DHX29: variants seen among roughly 807,000 people sequenced by gnomAD.
The protein encoded by DHX29 is ATP-dependent RNA helicase DHX29.
In DHX29, 79 loss-of-function variants were observed where a neutral mutation model predicts 167.9. The ratio of observed to expected loss-of-function variants is 0.47; its 90% CI spans 0.39 to 0.57. The LOEUF is 0.57. Ranked by LOEUF, DHX29 falls within the 20% of genes least tolerant of loss-of-function variation. DHX29 has a pLI of 0.00. For missense variants in DHX29, 1,347 were observed against 1,593.4 expected (o/e 0.85, Z 2.63); for synonymous variants, 530 against 546.0 (o/e 0.97, Z 0.41).
In DHX29 at chr5:55,295,537, G is replaced by T. The variant is rs776943778; in HGVS notation, c.506-13C>A. On this transcript the variant is annotated splice_polypyrimidine_tract_variant and intron_variant, in intron 4 of 26. Transcript: ENST00000251636. ...TCAGGAAGTGCATCTTAAAATAAAA[G>T]AAACTATGCTGAAAATAAACAGGCA... The T allele has an allele frequency of 5.6e-6, 9 of 1,606,358 alleles. No homozygotes were observed. The highest frequency in any genetic ancestry group is 1.3e-5 in the African/African-American group (1 of 74,254).
chr5:55,267,595 A>G, intron 22 of DHX29, 91 bp downstream of exon 22: 3 of 1,168,278 alleles, frequency 2.6e-6, no homozygotes, highest in Non-Finnish European at 3.5e-6. Context: ...AAACCTCAGA[A>G]GTACAATTTT....
rs1389552795 is a variant in DHX29, at chr5:55,274,706, A to G, written c.2598T>C (p.Ile866=). Reference sequence around the variant, plus strand: ...GTAAAAAGATCAATACTGCTCCTTCAATATTTCTGAATTGGGGACTTTTAT... The same window carrying G: ...GTAAAAAGATCAATACTGCTCCTTCGATATTTCTGAATTGGGGACTTTTAT... ...YLDKSPQFRN[I]EGAVLIFLPG... The change falls in exon 16 of 27, where the codon ATT becomes ATC. Residue 866 remains isoleucine (I), a synonymous_variant. Coordinates refer to ENST00000251636, the MANE Select transcript of DHX29 (RefSeq NM_019030.4). 3.8e-6 allele frequency: 6 copies of G among 1,592,014 alleles called. No homozygotes were observed. The highest frequency in any genetic ancestry group is 4.3e-6 in the Non-Finnish European group (5 of 1,173,386).
At position 55,267,217 on chromosome 5, in the gene DHX29, C is replaced by T. The variant is rs573035144; in HGVS notation, c.3446G>A (p.Arg1149Gln). The change falls in exon 23 of 27, where the codon CGA (arginine) becomes CAA (glutamine). Residue 1149 changes from arginine to glutamine, a missense_variant. Around this residue, in one of 3 missense-constraint regions of DHX29, gnomAD observed 882 missense variants for 1,082.4 expected, o/e 0.81. Coordinates refer to ENST00000251636, the MANE Select transcript of DHX29 (RefSeq NM_019030.4). ...TTCAGAACGATAACCTCCTTCTTGT[C>T]GTGCTTTCTTCCATCTAGATAAATA... ...YNAYLGWKKARQEGGYRSEIT... is the reference protein window; with the variant it reads ...YNAYLGWKKAQQEGGYRSEIT... 1.9e-5 allele frequency: 31 copies of T among 1,612,238 alleles called. No individual in the cohort carries two copies. The highest frequency in any genetic ancestry group is 6.6e-5 in the South Asian group (6 of 90,944).
chr5:55,300,460 G>A (rs1264025878), intron 1 of DHX29, among the ~76,000 whole-genome samples: 2 of 152,152 alleles, frequency 1.3e-5, no homozygotes, highest in Admixed American at 6.5e-5. Flanking sequence ...ATCACATGAG[G>A]TCAGGAGTTT....
At chr5:55,294,826 A>G (rs1243924686) in intron 5 of DHX29, 1 of 152,832 alleles carries the variant, frequency 6.5e-6, no homozygotes, top group African/African-American at 2.4e-5. Flanking sequence ...CTCATCTGTA[A>G]TTTTCTTCCA....
At chr5:55,263,862 C>T (rs1469794710) in intron 23 of DHX29, among the ~76,000 whole-genome samples, 1 of 150,702 alleles carries the variant, frequency 6.6e-6, no homozygotes, top group Non-Finnish European at 1.5e-5. Flanking sequence ...TTAGAGAAGT[C>T]TCTGCTGTCA....
chr5:55,296,366 T>TA lies in DHX29; in HGVS notation c.376-18dup, dbSNP rs759029345. On this transcript the variant is annotated splice_polypyrimidine_tract_variant and intron_variant, in intron 3 of 26. Transcript: ENST00000251636. ...GTATAAATCCTATGACAAGCAAATA[T>TA]AAAAAAAGTCACATTTGTCAAAGTT... The TA allele has an allele frequency of 1.2e-6, 2 of 1,602,478 alleles. No homozygotes were observed. The highest frequency in any genetic ancestry group is 1.7e-6 in the Non-Finnish European group (2 of 1,175,042).
At chr5:55,299,234 A>G (rs183273802) in intron 1 of DHX29, among the ~76,000 whole-genome samples, 3 of 152,300 alleles carry the variant, frequency 2.0e-5, no homozygotes, top group African/African-American at 7.2e-5. Context: ...TTTAGGTTAA[A>G]TCTATCTTTA....
In DHX29 at chr5:55,259,957, G is replaced by A; in HGVS notation, c.3961-13C>T. 8 of 1,541,870 alleles carry A rather than the reference G, an allele frequency of 5.2e-6. No homozygotes were observed. Among genetic ancestry groups the A allele is most frequent in the Non-Finnish European group, 7.1e-6 (8 of 1,119,216 alleles). Reference sequence around the variant, plus strand: ...TCTTTACAGGGGCCTGTTAAGAGGAGTTGAAAAAATGGACAAAGTCAATCC... The same window carrying A: ...TCTTTACAGGGGCCTGTTAAGAGGAATTGAAAAAATGGACAAAGTCAATCC... On this transcript the variant is annotated splice_polypyrimidine_tract_variant and intron_variant, in intron 25 of 26. Transcript: ENST00000251636.
At position 55,276,256 on chromosome 5, in the gene DHX29, TTC is replaced by T. The variant is rs1747107086; in HGVS notation, c.2427+8_2427+9del. Reference sequence around the variant, plus strand: ...ATTATCTGATATCTTTCAAAATATTTTCTTTTTACCTGATATTTTTTTATTCC... The same window carrying T: ...ATTATCTGATATCTTTCAAAATATTTTTTTTACCTGATATTTTTTTATTCC... On this transcript the variant is annotated splice_region_variant and intron_variant, in intron 14 of 26. Transcript: ENST00000251636. The T allele has an allele frequency of 6.4e-7, 1 of 1,562,894 alleles. No individual in the cohort carries two copies. The highest frequency in any genetic ancestry group is 1.4e-5 in the African/African-American group (1 of 71,652).
At chr5:55,260,255 G>A (rs551555271) in intron 25 of DHX29, among the ~76,000 whole-genome samples, 118 of 150,572 alleles carry the variant, frequency 7.8e-4, no homozygotes, top group Non-Finnish European at 1.4e-3. Context: ...TTTTTGAGAT[G>A]GAGTCTCTCT....
chr5:55,283,466 C>T lies in DHX29; in HGVS notation c.1702G>A (p.Glu568Lys). The T allele has an allele frequency of 6.2e-7, 1 of 1,614,158 alleles. No individual in the cohort carries two copies. The highest frequency in any genetic ancestry group is 1.3e-5 in the African/African-American group (1 of 75,044). Residue 568 changes from glutamate to lysine, a missense_variant, in exon 11 of 27, where the codon GAA (glutamate) becomes AAA (lysine). Around this residue, in one of 3 missense-constraint regions of DHX29, gnomAD observed 882 missense variants for 1,082.4 expected, o/e 0.81. Coordinates refer to ENST00000251636, the MANE Select transcript of DHX29 (RefSeq NM_019030.4). ...STPKYQKLLK[E>K]RQQLPVFKHR... is the part of the protein sequence containing the mutation. ...TTAAATACAGGTAGCTGTTGTCTTT[C>T]CTTTAGAAGTTTCTGATACTTAGGT...
intron 8 of DHX29, among the ~76,000 whole-genome samples, chr5:55,286,577 A>C (rs1371990244): frequency 2.0e-5 from 3 of 152,194 alleles, no homozygotes; most frequent in African/African-American, 7.2e-5. Flanking sequence ...TTACAGATAA[A>C]GTCCAAATTC....
chr5:55,281,119 C>G (rs1004344262), intron 12 of DHX29, among the ~76,000 whole-genome samples: 2 of 117,186 alleles, frequency 1.7e-5, no homozygotes, highest in Non-Finnish European at 3.6e-5. Context: ...TATATATGTA[C>G]ACACACACAC....
chr5:55,267,143 G>A lies in DHX29; in HGVS notation c.3520C>T (p.Leu1174=), dbSNP rs138687126. 6.2e-7 allele frequency: 1 copy of A among 1,602,770 alleles called. No homozygotes were observed. Among genetic ancestry groups the A allele is most frequent in the African/African-American group, 1.3e-5 (1 of 74,630 alleles). The change falls in exon 23 of 27, where the codon CTA becomes TTA. Residue 1174 remains leucine, a synonymous_variant. Transcript: ENST00000251636. ...NFLNRTSLLT[L]EDVKQELIKL... ...AGATCCATATTAAGAATTACCTCTA[G>A]GGTTAACAGTGATGTTCTATTAAGA...
At chr5:55,286,428 T>C (rs1254093281) in intron 8 of DHX29, among the ~76,000 whole-genome samples, 2 of 152,206 alleles carry the variant, frequency 1.3e-5, no homozygotes, top group African/African-American at 4.8e-5. Context: ...ATGCATGTGA[T>C]GAACTTAGGA....
At chr5:55,273,399 C>T in intron 16 of DHX29, 22 bp from the exon 17 acceptor site, 2 of 1,530,804 alleles carry the variant, frequency 1.3e-6, no homozygotes, top group Non-Finnish European at 1.8e-6. Flanking sequence ...AATCATAGTT[C>T]TTAGCAAGAG....
intron 21 of DHX29, among the ~76,000 whole-genome samples, chr5:55,268,484 GC>G (rs1289431341): frequency 2.0e-5 from 3 of 151,894 alleles, no homozygotes; most frequent in African/African-American, 7.3e-5. Context: ...GGGTGCAGTG[GC>G]CCAATCATAG....
Position 55,296,327 on chromosome 5 carries a change from G to C in DHX29, c.398C>G (p.Ala133Gly). Residue 133 changes from alanine to glycine, a missense_variant, in exon 4 of 27, where the codon GCA (alanine) becomes GGA (glycine). Physicochemically the swap from Ala to Gly is moderately conservative, Grantham distance 60. Around this residue, in one of 3 missense-constraint regions of DHX29, gnomAD observed 405 missense variants for 416.8 expected, o/e 0.97. Coordinates refer to ENST00000251636, the MANE Select transcript of DHX29 (RefSeq NM_019030.4). ...KLQDLYMALQ[A>G]FSFKTKDIED... Reference sequence around the variant, plus strand: ...AATGTCCTTTGTCTTAAATGAAAATGCTTGTAAAGCCATGTATAAATCCTA... The same window carrying C: ...AATGTCCTTTGTCTTAAATGAAAATCCTTGTAAAGCCATGTATAAATCCTA... 6.2e-7 allele frequency: 1 copy of C among 1,613,072 alleles called. No homozygotes were observed. Among genetic ancestry groups the C allele is most frequent in the Non-Finnish European group, 8.5e-7 (1 of 1,179,528 alleles).
Sources: allele counts gnomAD v4.1 joint callset (sites outside exome capture counted in the v4.1 genomes callset), GRCh38; gene constraint gnomAD v4.1.1; regional missense constraint gnomAD v4.1.1; transcripts MANE v1.5; gene names NCBI Gene and HGNC (gene_info 2026-07-23, HGNC 2026-07-21).